The following KDM4C variants were observed in gnomAD, a reference collection of about 807,000 sequenced individuals.
KDM4C encodes lysine-specific demethylase 4C.
A neutral mutation model predicts 129.3 loss-of-function variants in KDM4C; 81 were observed. The observed-to-expected ratio is 0.63, with a 90% CI of 0.52 to 0.75. The LOEUF (loss-of-function observed/expected upper bound fraction) is 0.75, where lower values mean the gene tolerates loss of function less well. KDM4C is among the 30% of genes least tolerant of loss of function. The pLI is 0.00. For synonymous variants in KDM4C, 573 were observed against 456.1 expected (o/e 1.26, Z -3.26); for missense variants, 1,457 against 1,304.0 (o/e 1.12, Z -1.81).
chr9:6,908,584 G>T (rs939543124), intron 8 of KDM4C, among the ~76,000 whole-genome samples: 1 of 151,986 alleles, frequency 6.6e-6, no homozygotes, highest in African/African-American at 2.4e-5. Flanking sequence ...ACACATCCCT[G>T]TGGGACCAGG....
intron 17 of KDM4C, among the ~76,000 whole-genome samples, chr9:7,073,725 T>C (rs1833527226): frequency 6.6e-6 from 1 of 152,218 alleles, no homozygotes; most frequent in East Asian, 1.9e-4. Context: ...GGAGAAATAT[T>C]CTTAAATTAA....
rs184889877 is a variant in KDM4C at position 6,920,831 on chromosome 9, G to C, written c.921+27599G>C. ...GTAAAGGAACTACTTCACCTTCTTT[G>C]AAAGGGACTGGGGCCAGGAGGAAGT... is the stretch of plus-strand genomic sequence containing the variant. On this transcript the variant is annotated intron_variant, in intron 8 of 21. Transcript: ENST00000381309. Among the ~76,000 whole-genome samples, 15 of 152,224 alleles carry C rather than the reference G, an allele frequency of 9.9e-5. No homozygotes were observed. In the East Asian group the frequency reaches 2.9e-3, roughly 29 times the overall value.
intron 17 of KDM4C, chr9:7,076,545 T>G (rs1833941956): frequency 1.3e-6 from 2 of 1,532,422 alleles, no homozygotes; most frequent in Non-Finnish European, 1.8e-6. Flanking sequence ...CGCCACTGTT[T>G]CAGATGCTGT....
At chr9:6,862,839 CAAAA>C (rs1554613996) in intron 5 of KDM4C, among the ~76,000 whole-genome samples, 1 of 149,102 alleles carries the variant, frequency 6.7e-6, no homozygotes. Context: ...AACAAACAAA[CAAAA>C]AACAAAAAAA....
chr9:6,976,952 C>T (rs1011010654), intron 8 of KDM4C, among the ~76,000 whole-genome samples: 24 of 152,030 alleles, frequency 1.6e-4, no homozygotes, highest in Non-Finnish European at 3.4e-4. Flanking sequence ...CAGGCATCAC[C>T]AGAAGACAAC....
chr9:6,890,591 C>T (rs1056051239), intron 7 of KDM4C, among the ~76,000 whole-genome samples: 2 of 151,778 alleles, frequency 1.3e-5, no homozygotes, highest in Non-Finnish European at 2.9e-5. Context: ...ATGACAGGGG[C>T]CTAAAATTCA....
chr9:6,780,481 A>C (rs1170561079), intron 1 of KDM4C, among the ~76,000 whole-genome samples: 1 of 151,876 alleles, frequency 6.6e-6, no homozygotes, highest in Non-Finnish European at 1.5e-5. Flanking sequence ...ACGAAAGAGA[A>C]ATTGGCCAGG....
intron 15 of KDM4C, among the ~76,000 whole-genome samples, chr9:7,016,279 C>T (rs1042521462): frequency 2.0e-5 from 3 of 152,078 alleles, no homozygotes; most frequent in Admixed American, 2.0e-4. Context: ...AGGCACCCGC[C>T]ACCACGCCTG....
At position 6,952,870 on chromosome 9, in the gene KDM4C, A is replaced by G. The variant is rs78180859; in HGVS notation, c.922-28055A>G. On this transcript the variant is annotated intron_variant, in intron 8 of 21. Transcript: ENST00000381309. Reference sequence around the variant, plus strand: ...ATAAGTGGTTGTTATTTTCTTTATGATAGTCCTTGTTACTCAACATTTGTA... The same window carrying G: ...ATAAGTGGTTGTTATTTTCTTTATGGTAGTCCTTGTTACTCAACATTTGTA... Among the ~76,000 whole-genome samples the G allele has an allele frequency of 2.7e-3, 404 of 152,308 alleles. 15 individuals carry two copies. In the East Asian group the frequency reaches 0.066, roughly 25 times the overall value.
At chr9:7,111,219 C>T (rs1219056772) in intron 18 of KDM4C, among the ~76,000 whole-genome samples, 2 of 151,930 alleles carry the variant, frequency 1.3e-5, no homozygotes, top group Admixed American at 1.3e-4. Context: ...TCTTCAGTGT[C>T]CCATTCATGG....
At chr9:7,020,786 T>A (rs1824669494) in intron 15 of KDM4C, among the ~76,000 whole-genome samples, 1 of 152,254 alleles carries the variant, frequency 6.6e-6, no homozygotes, top group Non-Finnish European at 1.5e-5. Flanking sequence ...GTACGTCATT[T>A]CAAGCATTTA....
intron 19 of KDM4C, among the ~76,000 whole-genome samples, chr9:7,163,175 C>T (rs1843992435): frequency 6.6e-6 from 1 of 152,132 alleles, no homozygotes; most frequent in Non-Finnish European, 1.5e-5. Context: ...TCTTGGCTTG[C>T]AGGCACCCTT....
intron 4 of KDM4C, among the ~76,000 whole-genome samples, chr9:6,827,065 C>T (rs1446499660): frequency 3.3e-5 from 5 of 152,116 alleles, no homozygotes; most frequent in Non-Finnish European, 7.3e-5. Context: ...CGCTGCTAAC[C>T]TGAGAGAGTG....
At chr9:6,740,966 A>C (rs984072515) in intron 1 of KDM4C, among the ~76,000 whole-genome samples, 1 of 151,256 alleles carries the variant, frequency 6.6e-6, no homozygotes, top group South Asian at 2.1e-4. Flanking sequence ...CTGGGACTAC[A>C]GACGCATGCC....
intron 1 of KDM4C, among the ~76,000 whole-genome samples, chr9:6,778,331 C>T (rs1823542576): frequency 6.6e-6 from 1 of 150,648 alleles, no homozygotes; most frequent in South Asian, 2.1e-4. Context: ...CTTAGGTGAT[C>T]CTCCCGCTTG....
intron 16 of KDM4C, among the ~76,000 whole-genome samples, chr9:7,048,574 G>C (rs770708445): frequency 3.3e-5 from 5 of 152,026 alleles, no homozygotes; most frequent in Non-Finnish European, 7.4e-5. Context: ...ATTATAGTAA[G>C]ATTGCAGCAA....
intron 8 of KDM4C, among the ~76,000 whole-genome samples, chr9:6,919,275 C>CTTTCTG: frequency 1.6e-5 from 1 of 63,176 alleles, no homozygotes; most frequent in African/African-American, 5.5e-5. Flanking sequence ...TTCTTTCTGT[C>CTTTCTG]TCTCTCTCTC....
chr9:6,929,552 T>G (rs1300857763), intron 8 of KDM4C, among the ~76,000 whole-genome samples: 1 of 150,296 alleles, frequency 6.7e-6, no homozygotes, highest in Non-Finnish European at 1.5e-5. Flanking sequence ...GAAATTGTGG[T>G]GCAGAGGCTG....
chr9:6,799,917 A>G (rs1013796112), intron 2 of KDM4C, among the ~76,000 whole-genome samples: 1 of 152,024 alleles, frequency 6.6e-6, no homozygotes, highest in African/African-American at 2.4e-5. Flanking sequence ...CTGATTGTTC[A>G]TATTCTTTTC....
Sources: allele counts gnomAD v4.1 joint callset (sites outside exome capture counted in the v4.1 genomes callset), GRCh38; gene constraint gnomAD v4.1.1; transcripts MANE v1.5; gene names NCBI Gene and HGNC (gene_info 2026-07-23, HGNC 2026-07-21).